The following ANO10 variants were observed in gnomAD, a reference collection of about 807,000 sequenced individuals.
ANO10 encodes anoctamin-10.
Under a neutral mutation model 74.7 loss-of-function variants are expected in ANO10, and 77 were observed. That is an observed-to-expected ratio of 1.03 (90% CI 0.86 to 1.25). The LOEUF (loss-of-function observed/expected upper bound fraction) is 1.25. Ranked by LOEUF, ANO10 falls within the 50% of genes most tolerant of loss-of-function variation. ANO10 has a pLI of 0.00. For synonymous variants in ANO10, 279 were observed against 284.9 expected, an observed-to-expected ratio of 0.98 and a Z score of 0.21; for missense variants, 721 against 778.1, an observed-to-expected ratio of 0.93 and a Z score of 0.87.
chr3:43,521,354 C>A lies in ANO10; in HGVS notation c.1797+28366G>T, dbSNP rs188017618. 2.9e-3 allele frequency among the ~76,000 whole-genome samples: 447 copies of A among 152,256 alleles called. 1 individual carries two copies. Among genetic ancestry groups the A allele is most frequent in the Non-Finnish European group, 4.9e-3 (330 of 68,008 alleles). ...TAAATTTTAAAATGCTGCTGTCAAGCCTTTAATGGTATTTACAGGGAAGCC... is the reference window on the plus strand; with the variant it reads ...TAAATTTTAAAATGCTGCTGTCAAGACTTTAATGGTATTTACAGGGAAGCC... On this transcript the variant is annotated intron_variant, in intron 11 of 12. Transcript: ENST00000292246.
intron 12 of ANO10, among the ~76,000 whole-genome samples, chr3:43,375,542 A>G (rs2091771551): frequency 6.6e-6 from 1 of 152,186 alleles, no homozygotes; most frequent in African/African-American, 2.4e-5. Flanking sequence ...GAATAAGAAA[A>G]TGTGGAAACC....
intron 11 of ANO10, among the ~76,000 whole-genome samples, chr3:43,515,088 C>T (rs1428657906): frequency 6.6e-6 from 1 of 152,126 alleles, no homozygotes; most frequent in Non-Finnish European, 1.5e-5. Flanking sequence ...TAAAACAATA[C>T]AGAAAATCAA....
chr3:43,494,211 T>G (rs955782359), intron 11 of ANO10, among the ~76,000 whole-genome samples: 2 of 152,164 alleles, frequency 1.3e-5, no homozygotes, highest in African/African-American at 2.4e-5. Flanking sequence ...CTCAGCACTT[T>G]GGGAGGCTGA....
rs117689752 is a variant in ANO10 at position 43,475,330 on chromosome 3, G to A, written c.1798-42603C>T. 4.7e-3 allele frequency among the ~76,000 whole-genome samples: 719 copies of A among 152,214 alleles called. 13 individuals are homozygous for A. Among genetic ancestry groups the A allele is most frequent in the East Asian group, 0.038 (199 of 5,174 alleles). ...TTTTCTTACAGTTTCTCTCTTTGGT[G>A]TCATTCTTATAGTCAAGGTCTCCCC... On this transcript the variant is annotated intron_variant, in intron 11 of 12. Coordinates refer to ENST00000292246, the MANE Select transcript of ANO10 (RefSeq NM_018075.5).
intron 11 of ANO10, among the ~76,000 whole-genome samples, chr3:43,534,680 T>G (rs1259351462): frequency 1.3e-5 from 2 of 152,168 alleles, no homozygotes; most frequent in East Asian, 3.8e-4. Flanking sequence ...ACTGTCCCAA[T>G]GTCCACCTGG....
chr3:43,595,192 G>T (rs2082013962), intron 4 of ANO10, among the ~76,000 whole-genome samples: 1 of 152,160 alleles, frequency 6.6e-6, no homozygotes, highest in African/African-American at 2.4e-5. Flanking sequence ...GTACAAAGAG[G>T]AGCTGGCACC....
At position 43,453,468 on chromosome 3, in the gene ANO10, C is replaced by T. The variant is rs952013688; in HGVS notation, c.1798-20741G>A. ...TGCTGGGATTACAGGCATGAGCCAC[C>T]GCACCTGGCCTATCTTCTTTTTCTT... On this transcript the variant is annotated intron_variant, in intron 11 of 12. Coordinates refer to ENST00000292246, the MANE Select transcript of ANO10 (RefSeq NM_018075.5). Among the ~76,000 whole-genome samples, 6 of 152,154 alleles carry T rather than the reference C, an allele frequency of 3.9e-5. No homozygotes were observed. In the South Asian group the frequency reaches 8.3e-4, roughly 21 times the overall value.
intron 11 of ANO10, among the ~76,000 whole-genome samples, chr3:43,435,495 C>T (rs896627212): frequency 9.7e-5 from 13 of 134,242 alleles, no homozygotes; most frequent in Middle Eastern, 5.4e-3. Flanking sequence ...GGTGACAGAG[C>T]GAGACTCCAT....
In ANO10 at chr3:43,535,267, C is replaced by CTTTT. The variant is rs71616100; in HGVS notation, c.1797+14449_1797+14452dup. Reference sequence around the variant, plus strand: ...AAGTAAACCACCATACCTAGACATTCTTTTTTTTTTTTTTTTTTTTTGAAG... The same window carrying CTTTT: ...AAGTAAACCACCATACCTAGACATTCTTTTTTTTTTTTTTTTTTTTTTTTTGAAG... On this transcript the variant is annotated intron_variant, in intron 11 of 12. Transcript: ENST00000292246. Among the ~76,000 whole-genome samples, 21 of 107,838 alleles carry CTTTT rather than the reference C, an allele frequency of 1.9e-4. 1 individual carries two copies. The highest frequency in any genetic ancestry group is 2.3e-4 in the Non-Finnish European group (13 of 55,510). The allele number at this position is 107,838 out of a possible 152,430, so 70.7% of individuals were successfully genotyped here.
At chr3:43,405,809 A>T (rs1357289655) in intron 12 of ANO10, among the ~76,000 whole-genome samples, 1 of 152,152 alleles carries the variant, frequency 6.6e-6, no homozygotes, top group African/African-American at 2.4e-5. Context: ...TTTCAACCTA[A>T]AATATATACT....
At chr3:43,597,384 T>G (rs574815140) in intron 4 of ANO10, among the ~76,000 whole-genome samples, 99 of 152,320 alleles carry the variant, frequency 6.5e-4, no homozygotes, top group African/African-American at 2.3e-3. Context: ...AGTGATAGAC[T>G]GGATTAAGAA....
At chr3:43,670,353 T>TAAATAAATAAAA (rs1559394536) in intron 1 of ANO10, among the ~76,000 whole-genome samples, 5 of 149,810 alleles carry the variant, frequency 3.3e-5, no homozygotes, top group African/African-American at 1.2e-4. Context: ...AATAAATAAA[T>TAAATAAATAAAA]AAAATAATAA....
intron 1 of ANO10, chr3:43,690,783 C>T (rs1330234895): frequency 4.5e-6 from 2 of 448,864 alleles, no homozygotes; most frequent in African/African-American, 2.1e-5. Context: ...GGCGGGAGAA[C>T]TAGTGCATGC....
At chr3:43,379,368 G>C (rs1337519408) in intron 12 of ANO10, among the ~76,000 whole-genome samples, 2 of 152,196 alleles carry the variant, frequency 1.3e-5, no homozygotes, top group Non-Finnish European at 2.9e-5. Context: ...AGTGAGGAGT[G>C]AGCCCTGAAC....
chr3:43,593,814 G>C (rs1235296772), intron 4 of ANO10, among the ~76,000 whole-genome samples: 1 of 152,170 alleles, frequency 6.6e-6, no homozygotes, highest in Non-Finnish European at 1.5e-5. Context: ...ACACAGACTG[G>C]CAAATTGGAT....
At chr3:43,622,518 T>G (rs2083442824), upstream of ANO10, among the ~76,000 whole-genome samples, 1 of 152,240 alleles carries the variant, frequency 6.6e-6, no homozygotes, top group Non-Finnish European at 1.5e-5. Flanking sequence ...AAGTCTCATT[T>G]TAACTGTAGC....
chr3:43,655,709 C>A (rs2149570615), intron 1 of ANO10, among the ~76,000 whole-genome samples: 1 of 152,280 alleles, frequency 6.6e-6, no homozygotes, highest in East Asian at 1.9e-4. Context: ...CCCACCAGAG[C>A]AGCTAGATAG....
intron 11 of ANO10, among the ~76,000 whole-genome samples, chr3:43,470,415 G>A (rs761092106): frequency 1.3e-5 from 2 of 152,032 alleles, no homozygotes; most frequent in African/African-American, 2.4e-5. Flanking sequence ...GTGCAGTGGC[G>A]CACTCTTGGC....
chr3:43,550,338 T>C (rs2079400265), intron 10 of ANO10, among the ~76,000 whole-genome samples: 1 of 152,212 alleles, frequency 6.6e-6, no homozygotes, highest in South Asian at 2.1e-4. Flanking sequence ...TCTAGCATCA[T>C]TTAGCAAATC....
Sources: allele counts gnomAD v4.1 joint callset (sites outside exome capture counted in the v4.1 genomes callset), GRCh38; gene constraint gnomAD v4.1.1; transcripts MANE v1.5; gene names NCBI Gene and HGNC (gene_info 2026-07-23, HGNC 2026-07-21).